Variants in CD27 observed in about 807,000 individuals in gnomAD.
CD27 encodes CD27 molecule.
In CD27, 16 loss-of-function variants were observed where a neutral mutation model predicts 25.9. The ratio of observed to expected loss-of-function variants is 0.62; its 90% CI spans 0.42 to 0.94. The LOEUF (loss-of-function observed/expected upper bound fraction) is 0.94. Among genes scored for constraint, CD27 ranks in the 40% least tolerant of loss-of-function variants. The pLI, the probability that CD27 is intolerant of heterozygous loss-of-function variation, is 0.00. For synonymous variants in CD27, 142 were observed against 124.3 expected, an observed-to-expected ratio of 1.14 and a Z score of -0.95; for missense variants, 300 against 333.2, an observed-to-expected ratio of 0.90 and a Z score of 0.78.
intron 5 of CD27, 81 bp from the exon 6 acceptor site, chr12:6,451,187 G>A: frequency 6.4e-7 from 1 of 1,552,892 alleles, no homozygotes; most frequent in Non-Finnish European, 8.8e-7. Flanking sequence ...TCCCCCAAGC[G>A]CACCCGCCTC....
rs1324340649 is a variant in CD27 at position 6,445,014 on chromosome 12, A to G, written c.-82A>G. On this transcript the variant is annotated 5_prime_UTR_variant, in exon 1 of 6. Coordinates refer to ENST00000266557, the MANE Select transcript of CD27 (RefSeq NM_001242.5). The surrounding 1 kb of genome is among the most constrained non-coding windows in gnomAD (Gnocchi z 4.5). Reference sequence around the variant, plus strand: ...TGCCCAGGGGGTGCAAAGAAGAGACAGCAGCGCCCAGCTTGGAGGTGCTAA... The same window carrying G: ...TGCCCAGGGGGTGCAAAGAAGAGACGGCAGCGCCCAGCTTGGAGGTGCTAA... The G allele has an allele frequency of 2.1e-6, 3 of 1,437,612 alleles. No individual in the cohort carries two copies. The highest frequency in any genetic ancestry group is 2.8e-6 in the Non-Finnish European group (3 of 1,087,426). 89.1% of individuals were successfully genotyped at this position (1,437,612 alleles called of 1,614,324 possible).
In CD27 at chr12:6,450,644, T is replaced by C. The variant is rs768228520; in HGVS notation, c.538+14T>C. ...CCCACTGGCCACGTGAGTTTTCTCCTTAATCCCCACCGCTAGAGAGAATGC... is the reference window on the plus strand; with the variant it reads ...CCCACTGGCCACGTGAGTTTTCTCCCTAATCCCCACCGCTAGAGAGAATGC... On this transcript the variant is annotated intron_variant, in intron 4 of 5. Transcript: ENST00000266557. The surrounding 1 kb of genome is among the most constrained non-coding windows in gnomAD (Gnocchi z 4.1). The C allele has an allele frequency of 1.6e-5, 25 of 1,607,982 alleles. No individual in the cohort carries two copies. The highest frequency in any genetic ancestry group is 2.7e-5 in the African/African-American group (2 of 75,000).
In CD27 at chr12:6,445,193, G is replaced by A. The variant is rs1179448549; in HGVS notation, c.98G>A (p.Trp33Ter). ...AAGAGCTGCCCAGAGAGGCACTACT[G>A]GGCTCAGGGAAAGCTGTGCTGCCAG... ...APKSCPERHY[W>*]AQGKLCCQMC... Residue 33 changes from tryptophan to a stop codon, truncating the protein, a stop_gained, in exon 1 of 6, where the codon TGG becomes TAG. Transcript: ENST00000266557. LOFTEE classifies it high-confidence loss of function. This position sits in a 1 kb window ranked among gnomAD's most constrained non-coding sequence, Gnocchi z 4.5. 1 of 1,613,586 alleles carries A rather than the reference G, an allele frequency of 6.2e-7. No individual in the cohort carries two copies. The highest frequency in any genetic ancestry group is 2.2e-5 in the East Asian group (1 of 44,882).
In CD27 at chr12:6,445,608, G is replaced by C. The variant is rs1243010484; in HGVS notation, c.268+53G>C. 1.3e-6 allele frequency: 2 copies of C among 1,594,604 alleles called. No homozygotes were observed. Among genetic ancestry groups the C allele is most frequent in the Non-Finnish European group, 1.7e-6 (2 of 1,172,066 alleles). ...GGACGATGGACAAGCATCTGGGGGA[G>C]CAAGGCTGGTGACGGGTTTGGGGGT... On this transcript the variant is annotated intron_variant, in intron 2 of 5. Transcript: ENST00000266557. This position sits in a 1 kb window ranked among gnomAD's most constrained non-coding sequence, Gnocchi z 4.5.
intron 2 of CD27, among the ~76,000 whole-genome samples, chr12:6,446,799 C>CA (rs1555123051): frequency 6.7e-6 from 1 of 150,236 alleles, no homozygotes. Context: ...CACACACACA[C>CA]AAAAAGCCAG....
At chr12:6,444,112 A>G (rs1203175578), upstream of CD27, among the ~76,000 whole-genome samples, 4 of 152,240 alleles carry the variant, frequency 2.6e-5, no homozygotes, top group African/African-American at 9.6e-5. Context: ...TGACTGACAC[A>G]GCCAGAGGTG....
intron 2 of CD27, among the ~76,000 whole-genome samples, chr12:6,446,799 C>CAA (rs1555123051): frequency 2.0e-5 from 3 of 150,236 alleles, no homozygotes; most frequent in Non-Finnish European, 4.4e-5. Context: ...CACACACACA[C>CAA]AAAAAGCCAG....
Position 6,450,478 on chromosome 12 carries a change from C to G in CD27, c.449-63C>G, listed in dbSNP as rs556282612. On this transcript the variant is annotated intron_variant, in intron 3 of 5. Transcript: ENST00000266557. This position sits in a 1 kb window ranked among gnomAD's most constrained non-coding sequence, Gnocchi z 4.1. ...CCTTCCCATCCCATCCAGCACCTCT[C>G]AGGCCTTCAGATGTGCCCTATGGGG... The G allele has an allele frequency of 2.3e-4, 355 of 1,553,642 alleles. No individual in the cohort carries two copies. The highest frequency in any genetic ancestry group is 3.0e-4 in the Non-Finnish European group (334 of 1,130,052).
At position 6,450,866 on chromosome 12, in the gene CD27, T is replaced by G. The variant is rs1248655941; in HGVS notation, c.539-29T>G. 2 of 1,613,798 alleles carry G rather than the reference T, an allele frequency of 1.2e-6. No homozygotes were observed. The highest frequency in any genetic ancestry group is 1.7e-6 in the Non-Finnish European group (2 of 1,179,892). On this transcript the variant is annotated intron_variant, in intron 4 of 5. Transcript: ENST00000266557. The surrounding 1 kb of genome is among the most constrained non-coding windows in gnomAD (Gnocchi z 4.1). The stretch of plus-strand genomic sequence containing the variant: ...GGGAGCCAAGGGCTAGACCCTCCCC[T>G]AACCCCTGTGTGTCCCCTCCTATTA...
chr12:6,445,310 G>C lies in CD27; in HGVS notation c.136+79G>C. On this transcript the variant is annotated intron_variant, in intron 1 of 5. Coordinates refer to ENST00000266557, the MANE Select transcript of CD27 (RefSeq NM_001242.5). The surrounding 1 kb of genome is among the most constrained non-coding windows in gnomAD (Gnocchi z 4.5). The stretch of plus-strand genomic sequence containing the variant: ...GGTTAATACAGTAAATAGGCGCAGG[G>C]TGAGACTGAGCTCAAGCAAGGAGGG... The C allele has an allele frequency of 6.2e-7, 1 of 1,609,598 alleles. No individual in the cohort carries two copies. Among genetic ancestry groups the C allele is most frequent in the Non-Finnish European group, 8.5e-7 (1 of 1,177,272 alleles).
rs562204877 is a variant in CD27, at chr12:6,450,710, T to C, written c.538+80T>C. ...GGAGGGAAGCCAGACAGAAAGCTCC[T>C]AGGATTAGGGATAAGAGGAGGGGAA... is the stretch of plus-strand genomic sequence containing the variant. On this transcript the variant is annotated intron_variant, in intron 4 of 5. Transcript: ENST00000266557. This position sits in a 1 kb window ranked among gnomAD's most constrained non-coding sequence, Gnocchi z 4.1. The C allele has an allele frequency of 5.5e-6, 8 of 1,459,170 alleles. No individual in the cohort carries two copies. The highest frequency in any genetic ancestry group is 5.2e-5 in the Admixed American group (3 of 57,714). The allele number at this position is 1,459,170 out of a possible 1,614,324, so 90.4% of individuals were successfully genotyped here.
intron 2 of CD27, among the ~76,000 whole-genome samples, chr12:6,448,455 C>T (rs1163413330): frequency 1.3e-5 from 2 of 152,156 alleles, no homozygotes; most frequent in African/African-American, 4.8e-5. Flanking sequence ...CACCCAGCAT[C>T]GGACCTCTAC....
rs1312452232 is a variant in CD27 at position 6,450,330 on chromosome 12, C to T, written c.426C>T (p.Pro142=). The stretch of plus-strand genomic sequence containing the variant: ...AGGCCCTGAGCCCACACCCTCAGCC[C>T]ACCCACTTACCTTATGTCAGTGGTA... ...SSQALSPHPQ[P]THLPYVSEML... The change falls in exon 3 of 6, where the codon CCC becomes CCT. Residue 142 remains proline, a synonymous_variant. Coordinates refer to ENST00000266557, the MANE Select transcript of CD27 (RefSeq NM_001242.5). This position sits in a 1 kb window ranked among gnomAD's most constrained non-coding sequence, Gnocchi z 4.1. The T allele has an allele frequency of 5.6e-6, 9 of 1,612,562 alleles. No homozygotes were observed. The African/African-American group carries it at 1.2e-4, about 22-fold the overall frequency.
At chr12:6,448,713 C>T (rs563402308) in intron 2 of CD27, 46 of 152,196 alleles carry the variant, frequency 3.0e-4, no homozygotes, top group African/African-American at 8.9e-4. Context: ...TGCACTGAGC[C>T]GAGATCGTGC....
At chr12:6,449,857 AT>A (rs1336685605) in intron 2 of CD27, among the ~76,000 whole-genome samples, 1 of 152,182 alleles carries the variant, frequency 6.6e-6, no homozygotes, top group Non-Finnish European at 1.5e-5. Context: ...TCTCAAAAAA[AT>A]AAATAAAAAA....
In CD27 at chr12:6,450,884, T is replaced by A; in HGVS notation, c.539-11T>A. 1 of 1,614,094 alleles carries A rather than the reference T, an allele frequency of 6.2e-7. No homozygotes were observed. Among genetic ancestry groups the A allele is most frequent in the Non-Finnish European group, 8.5e-7 (1 of 1,179,972 alleles). On this transcript the variant is annotated splice_polypyrimidine_tract_variant and intron_variant, in intron 4 of 5. Coordinates refer to ENST00000266557, the MANE Select transcript of CD27 (RefSeq NM_001242.5). The surrounding 1 kb of genome is among the most constrained non-coding windows in gnomAD (Gnocchi z 4.1). ...CCTCCCCTAACCCCTGTGTGTCCCC[T>A]CCTATTACAGCCCAAAGATCCCTGT...
chr12:6,446,776 TCACACACA>T (rs35670100), intron 2 of CD27, among the ~76,000 whole-genome samples: 10 of 148,510 alleles, frequency 6.7e-5, no homozygotes, highest in East Asian at 2.0e-4. Flanking sequence ...AAACCCTTTT[TCACACACA>T]CACACACACA....
chr12:6,449,198 T>C (rs1259022453), intron 2 of CD27, among the ~76,000 whole-genome samples: 15 of 152,188 alleles, frequency 9.9e-5, no homozygotes, highest in Non-Finnish European at 2.9e-5. Flanking sequence ...GGTTTCACCA[T>C]GTTGGCCAGG....
chr12:6,451,177 T>TC, intron 5 of CD27, 91 bp from the exon 6 acceptor site: 9 of 1,527,478 alleles, frequency 5.9e-6, no homozygotes, highest in Middle Eastern at 2.1e-4. Flanking sequence ...CTGACACCCC[T>TC]CCCCCAAGCG....
Sources: allele counts gnomAD v4.1 joint callset (sites outside exome capture counted in the v4.1 genomes callset), GRCh38; gene constraint gnomAD v4.1.1; non-coding constraint Gnocchi (gnomAD v3.1); transcripts MANE v1.5; gene names NCBI Gene and HGNC (gene_info 2026-07-23, HGNC 2026-07-21).